CCDC33: variants seen among roughly 807,000 people sequenced by gnomAD.
The protein encoded by CCDC33 is coiled-coil domain containing 33.
A neutral mutation model predicts 91.9 loss-of-function variants in CCDC33; 94 were observed. The observed-to-expected ratio is 1.02, with a 90% CI of 0.87 to 1.21. The LOEUF (loss-of-function observed/expected upper bound fraction) is 1.21. Ranked by LOEUF, CCDC33 falls within the 50% of genes most tolerant of loss-of-function variation. The probability of loss-of-function intolerance (pLI) is 0.00; values close to 1 mark genes in which losing one functional copy is unlikely to be tolerated. For synonymous variants in CCDC33, 396 were observed against 374.5 expected (o/e 1.06, Z -0.66); for missense variants, 940 against 935.5 (o/e 1.00, Z -0.06).
rs377311593 is a variant in CCDC33, at chr15:74,255,546, G to A, written c.186-6894G>A. ...GGCATGGCCCCCTCCCTCTCCTGTC[G>A]ACTTCCCAGCGGTGTGCTCCTGCGG... On this transcript the variant is annotated intron_variant, in intron 2 of 18. Transcript: ENST00000398814. Among the ~76,000 whole-genome samples, 15 of 152,386 alleles carry A rather than the reference G, an allele frequency of 9.8e-5. No individual in the cohort carries two copies. The East Asian group carries it at 2.3e-3, about 23-fold the overall frequency.
chr15:74,300,264 G>C (rs2059767275), intron 11 of CCDC33: 1 of 152,312 alleles, frequency 6.6e-6, no homozygotes, highest in South Asian at 2.1e-4. Context: ...AATAGACCCA[G>C]CCGTAGAAGC....
At chr15:74,266,592 G>A in intron 3 of CCDC33, 86 bp from the exon 4 acceptor site, 1 of 942,470 alleles carries the variant, frequency 1.1e-6, no homozygotes, top group Non-Finnish European at 1.7e-6. Context: ...TCTCAACAAT[G>A]TCTCTCACCT....
chr15:74,207,195 G>C (rs1166939914), intron 1 of CCDC33, among the ~76,000 whole-genome samples: 12 of 152,136 alleles, frequency 7.9e-5, no homozygotes, highest in African/African-American at 2.4e-4. Flanking sequence ...ATCCTCAAAG[G>C]GCAAAGTGCC....
At chr15:74,214,435 T>TTTAAACTTTTTGAAA (rs977245379), upstream of CCDC33, among the ~76,000 whole-genome samples, 1 of 151,984 alleles carries the variant, frequency 6.6e-6, no homozygotes, top group Non-Finnish European at 1.5e-5. Context: ...CCAGAGACAG[T>TTTAAACTTTTTGAAA]CTCACCTGGA....
intron 2 of CCDC33, among the ~76,000 whole-genome samples, chr15:74,258,141 T>A (rs435137): frequency 6.6e-6 from 1 of 152,150 alleles, no homozygotes; most frequent in Non-Finnish European, 1.5e-5. Flanking sequence ...AGGTCAAAGG[T>A]GCCCAATACC....
At chr15:74,311,442 C>G (rs549047566) in intron 11 of CCDC33, 1 of 152,196 alleles carries the variant, frequency 6.6e-6, no homozygotes. Flanking sequence ...TCTAAACAGA[C>G]GAGGCTCTAA....
chr15:74,291,636 G>A (rs1418594463), intron 10 of CCDC33, among the ~76,000 whole-genome samples: 1 of 152,262 alleles, frequency 6.6e-6, no homozygotes, highest in Non-Finnish European at 1.5e-5. Flanking sequence ...CAGGCAGGCC[G>A]GAAGGCGGGC....
chr15:74,206,033 T>C (rs1397721840), intron 1 of CCDC33, among the ~76,000 whole-genome samples: 1 of 152,192 alleles, frequency 6.6e-6, no homozygotes, highest in Non-Finnish European at 1.5e-5. Flanking sequence ...TATGTGGCCT[T>C]GAGTGAGTCT....
At position 74,266,767 on chromosome 15, in the gene CCDC33, T is replaced by A; in HGVS notation, c.409T>A (p.Tyr137Asn). The A allele has an allele frequency of 6.2e-7, 1 of 1,613,908 alleles. No individual in the cohort carries two copies. Among genetic ancestry groups the A allele is most frequent in the Non-Finnish European group, 8.5e-7 (1 of 1,179,780 alleles). The change falls in exon 4 of 19, where the codon TAC becomes AAC. Residue 137 changes from tyrosine to asparagine, a missense_variant. By Grantham distance (143) the Tyr-to-Asn change is moderately radical. Transcript: ENST00000398814. Reference protein sequence around the residue: ...PIKYLRVFHPYHFELVKPTES... With the variant: ...PIKYLRVFHPNHFELVKPTES... The stretch of plus-strand genomic sequence containing the variant: ...CAAGTACCTGCGTGTCTTCCACCCC[T>A]ACCACTTTGAGCTGGTGAAGGTGAG...
intron 11 of CCDC33, 60 bp downstream of exon 11, chr15:74,296,008 C>G (rs535317543): frequency 1.4e-6 from 2 of 1,432,100 alleles, no homozygotes; most frequent in South Asian, 1.3e-5. Flanking sequence ...GGGAAGGGGA[C>G]TTGACTGCCA....
chr15:74,239,263 C>T (rs867598085), intron 1 of CCDC33, among the ~76,000 whole-genome samples: 1 of 152,098 alleles, frequency 6.6e-6, no homozygotes, highest in African/African-American at 2.4e-5. Context: ...AAGAGTTTGT[C>T]TCCTTCCATC....
At chr15:74,287,458 C>T (rs1321522708) in intron 10 of CCDC33, among the ~76,000 whole-genome samples, 1 of 152,196 alleles carries the variant, frequency 6.6e-6, no homozygotes, top group African/African-American at 2.4e-5. Flanking sequence ...GTGCCCTTTC[C>T]CTCACCTGCT....
intron 9 of CCDC33, 83 bp from the exon 10 acceptor site, chr15:74,281,695 C>A (rs1040138167): frequency 7.9e-7 from 1 of 1,261,516 alleles, no homozygotes; most frequent in African/African-American, 1.5e-5. Flanking sequence ...TGACACCTTC[C>A]AGAGAAATCT....
chr15:74,271,865 T>C, intron 6 of CCDC33, 71 bp downstream of exon 6: 2 of 1,336,950 alleles, frequency 1.5e-6, no homozygotes, highest in East Asian at 2.4e-5. Context: ...GAGGCTGTCA[T>C]TGCTGCCATG....
At chr15:74,332,630 T>C (rs1211388045) in intron 15 of CCDC33, 49 bp from the exon 16 acceptor site, 5 of 1,599,340 alleles carry the variant, frequency 3.1e-6, no homozygotes, top group Admixed American at 1.7e-5. Context: ...GACAGGGACA[T>C]GGGAAGCAGG....
At chr15:74,326,005 A>G (rs207475596) in intron 11 of CCDC33, among the ~76,000 whole-genome samples, 1 of 152,132 alleles carries the variant, frequency 6.6e-6, no homozygotes, top group African/African-American at 2.4e-5. Flanking sequence ...TTCTGTGCCC[A>G]CTGCCCAGGG....
intron 1 of CCDC33, among the ~76,000 whole-genome samples, chr15:74,242,522 C>T (rs2075381050): frequency 6.6e-6 from 1 of 152,224 alleles, no homozygotes; most frequent in South Asian, 2.1e-4. Flanking sequence ...GAACAGCCTG[C>T]CAGTGGCCCC....
chr15:74,283,825 C>T (rs1279307345), intron 10 of CCDC33, among the ~76,000 whole-genome samples: 1 of 151,986 alleles, frequency 6.6e-6, no homozygotes, highest in Admixed American at 6.6e-5. Flanking sequence ...CACACCCCCT[C>T]TACATATACA....
chr15:74,219,568 G>A (rs928121035), intron 2 of CCDC33, among the ~76,000 whole-genome samples: 19 of 152,190 alleles, frequency 1.2e-4, no homozygotes, highest in African/African-American at 4.6e-4. Context: ...TGGGTATAGT[G>A]AGGGTATCAT....
Sources: gnomAD v4.1 joint callset for allele counts (sites outside exome capture counted in the v4.1 genomes callset) on GRCh38, gnomAD v4.1.1 for gene constraint, MANE v1.5 for transcripts, NCBI Gene and HGNC (gene_info 2026-07-23, HGNC 2026-07-21) for gene names.